Variants in TASP1 observed in about 807,000 individuals in gnomAD.
TASP1 encodes taspase 1.
Under a neutral mutation model 56.6 loss-of-function variants are expected in TASP1, and 16 were observed. The ratio of observed to expected loss-of-function variants is 0.28; its 90% confidence interval spans 0.19 to 0.43. TASP1 has a LOEUF of 0.43. Ranked by LOEUF, TASP1 falls within the 20% of genes least tolerant of loss-of-function variation. The pLI is 1.00. For missense variants in TASP1, 393 were observed against 511.6 expected (o/e 0.77, Z 2.24); for synonymous variants, 179 against 184.2 (o/e 0.97, Z 0.23).
intron 11 of TASP1, among the ~76,000 whole-genome samples, chr20:13,449,406 C>A (rs1409504788): frequency 6.6e-6 from 1 of 152,108 alleles, no homozygotes; most frequent in Admixed American, 6.6e-5. Context: ...CAACTCTATT[C>A]ACTTTTACTT....
At chr20:13,396,480 C>T (rs1463997039) in intron 13 of TASP1, among the ~76,000 whole-genome samples, 1 of 152,086 alleles carries the variant, frequency 6.6e-6, no homozygotes, top group Non-Finnish European at 1.5e-5. Context: ...CTTACTAAGC[C>T]TGTGTGATAT....
chr20:13,626,721 G>T (rs1044197805), intron 2 of TASP1, among the ~76,000 whole-genome samples: 1 of 152,118 alleles, frequency 6.6e-6, no homozygotes, highest in Non-Finnish European at 1.5e-5. Context: ...TCTCTTCATG[G>T]TTCTCTAAGA....
intron 7 of TASP1, among the ~76,000 whole-genome samples, chr20:13,559,446 T>C (rs1013550468): frequency 4.6e-5 from 7 of 151,954 alleles, no homozygotes; most frequent in Non-Finnish European, 1.5e-5. Flanking sequence ...TTGGGCACAA[T>C]GCAGTATGAG....
chr20:13,622,662 T>C (rs1024883814), intron 4 of TASP1, among the ~76,000 whole-genome samples: 1 of 152,234 alleles, frequency 6.6e-6, no homozygotes, highest in African/African-American at 2.4e-5. Context: ...CCAGTCAACC[T>C]GGAAATGTCG....
chr20:13,541,685 C>T (rs2146949204), intron 8 of TASP1, among the ~76,000 whole-genome samples: 1 of 152,020 alleles, frequency 6.6e-6, no homozygotes, highest in East Asian at 1.9e-4. Flanking sequence ...TGCCAAGCAC[C>T]CAGAAAAGCC....
the TASP1 span, among the ~76,000 whole-genome samples, chr20:13,311,037 T>C: frequency 3.0e-4 from 45 of 151,922 alleles, no homozygotes; most frequent in South Asian, 9.0e-3. Flanking sequence ...CTACTGAAAA[T>C]ACAAAAATTA....
chr20:13,469,426 G>A (rs2044387642), intron 11 of TASP1, among the ~76,000 whole-genome samples: 1 of 152,142 alleles, frequency 6.6e-6, no homozygotes, highest in African/African-American at 2.4e-5. Context: ...AATCCAAGAA[G>A]TTATTCTCTT....
At chr20:13,309,689 C>T in the TASP1 span, among the ~76,000 whole-genome samples, 758 of 152,152 alleles carry the variant, frequency 5.0e-3, 10 homozygotes, top group African/African-American at 0.017. Flanking sequence ...ATCTTATATT[C>T]AGAAAATCCT....
chr20:13,519,359 A>G lies in TASP1; in HGVS notation c.874+9074T>C, dbSNP rs142655900. The stretch of plus-strand genomic sequence containing the variant: ...TTGAAATTAAAAGAAAGAAAAAGAA[A>G]TAAAGGACAACTCAAATTAGAAAAT... On this transcript the variant is annotated intron_variant, in intron 10 of 13. Coordinates refer to ENST00000337743, the MANE Select transcript of TASP1 (RefSeq NM_017714.3). Among the ~76,000 whole-genome samples the G allele has an allele frequency of 1.9e-3, 283 of 152,256 alleles. 1 individual carries two copies. Among genetic ancestry groups the G allele is most frequent in the African/African-American group, 6.4e-3 (266 of 41,562 alleles).
At chr20:13,369,695 C>T in the TASP1 span, among the ~76,000 whole-genome samples, 3 of 152,224 alleles carry the variant, frequency 2.0e-5, no homozygotes, top group Non-Finnish European at 4.4e-5. Flanking sequence ...TAGTTTAAAA[C>T]AAATGTATTG....
the TASP1 span, among the ~76,000 whole-genome samples, chr20:13,276,062 A>G: frequency 6.6e-6 from 1 of 152,216 alleles, no homozygotes. Context: ...TTCCTAGTCC[A>G]TTTTGTGTTC....
the TASP1 span, among the ~76,000 whole-genome samples, chr20:13,237,175 T>C: frequency 1.3e-5 from 2 of 152,182 alleles, no homozygotes; most frequent in African/African-American, 2.4e-5. Flanking sequence ...TACAATTCAA[T>C]TGAGATTTGA....
the TASP1 span, among the ~76,000 whole-genome samples, chr20:13,363,678 C>G: frequency 1.2e-4 from 18 of 152,218 alleles, no homozygotes; most frequent in East Asian, 2.1e-3. Context: ...TGGAACTGAG[C>G]CTTCAACCTG....
chr20:13,382,107 T>C, the TASP1 span, among the ~76,000 whole-genome samples: 168 of 152,244 alleles, frequency 1.1e-3, no homozygotes, highest in South Asian at 2.9e-3. Context: ...CCAGTCTTCT[T>C]GGCCACACTC....
intron 1 of TASP1, among the ~76,000 whole-genome samples, chr20:13,638,135 TG>T (rs1421022723): frequency 6.6e-6 from 1 of 152,222 alleles, no homozygotes. Context: ...CACTGCTTTT[TG>T]TAAGTGGTGG....
chr20:13,406,687 G>A (rs1215762661), intron 13 of TASP1, among the ~76,000 whole-genome samples: 1 of 63,658 alleles, frequency 1.6e-5, no homozygotes, highest in African/African-American at 6.4e-5. Flanking sequence ...TTTTTTTTTT[G>A]AGACAGTCTC....
At chr20:13,606,858 T>C (rs2048180538) in intron 4 of TASP1, among the ~76,000 whole-genome samples, 1 of 150,836 alleles carries the variant, frequency 6.6e-6, no homozygotes, top group African/African-American at 2.4e-5. Context: ...TATCCCAATA[T>C]GTAAGGCAAT....
At chr20:13,335,330 A>G in the TASP1 span, among the ~76,000 whole-genome samples, 342 of 68,860 alleles carry the variant, frequency 5.0e-3, no homozygotes, top group African/African-American at 0.028. Context: ...CTATGCACAC[A>G]CACACACACA....
the TASP1 span, among the ~76,000 whole-genome samples, chr20:13,144,110 T>A: frequency 3.0e-3 from 452 of 152,300 alleles, no homozygotes; most frequent in African/African-American, 0.01. Flanking sequence ...CTACTGATCT[T>A]TCCCATGACT....
Sources: gnomAD v4.1 joint callset for allele counts (sites outside exome capture counted in the v4.1 genomes callset) on GRCh38, gnomAD v4.1.1 for gene constraint, MANE v1.5 for transcripts, NCBI Gene and HGNC (gene_info 2026-07-23, HGNC 2026-07-21) for gene names.